ADAMTS6: variants seen among roughly 807,000 people sequenced by gnomAD.
ADAMTS6 encodes the protein ADAM metallopeptidase with thrombospondin type 1 motif 6.
Under a neutral mutation model 144.3 loss-of-function variants are expected in ADAMTS6, and 23 were observed. The observed-to-expected ratio is 0.16, with a 90% CI of 0.11 to 0.23. ADAMTS6 has a LOEUF of 0.23. ADAMTS6 is among the 10% of genes least tolerant of loss of function. ADAMTS6 has a pLI of 1.00. For missense variants in ADAMTS6, 999 were observed against 1,379.6 expected (o/e 0.72, Z 4.37); for synonymous variants, 444 against 457.5 (o/e 0.97, Z 0.38).
At chr5:65,467,243 G>GA (rs2150277533) in intron 3 of ADAMTS6, among the ~76,000 whole-genome samples, 1 of 152,120 alleles carries the variant, frequency 6.6e-6, no homozygotes, top group East Asian at 1.9e-4. Context: ...ATTCCAGAAA[G>GA]AGAGTGCAGG....
At chr5:65,389,431 G>A (rs986946505) in intron 7 of ADAMTS6, among the ~76,000 whole-genome samples, 3 of 151,860 alleles carry the variant, frequency 2.0e-5, no homozygotes, top group Non-Finnish European at 4.4e-5. Context: ...TACTTTTGTC[G>A]TTATTAAAAT....
intron 7 of ADAMTS6, among the ~76,000 whole-genome samples, chr5:65,339,561 T>A: frequency 6.9e-6 from 1 of 145,918 alleles, no homozygotes; most frequent in South Asian, 2.2e-4. Context: ...TTCAAAAAAA[T>A]AATCTTAAGG....
chr5:65,368,686 GA>G (rs1477955713), intron 7 of ADAMTS6, among the ~76,000 whole-genome samples: 2 of 152,292 alleles, frequency 1.3e-5, no homozygotes, highest in East Asian at 3.9e-4. Context: ...AAAGAGTCTG[GA>G]ACATCAATGT....
intron 7 of ADAMTS6, among the ~76,000 whole-genome samples, chr5:65,374,305 G>C (rs1005400750): frequency 6.6e-6 from 1 of 151,652 alleles, no homozygotes; most frequent in Non-Finnish European, 1.5e-5. Flanking sequence ...ATTAGGAAAA[G>C]AGGAAGTCAA....
intron 7 of ADAMTS6, among the ~76,000 whole-genome samples, chr5:65,437,621 C>T (rs1008726643): frequency 6.6e-6 from 1 of 152,120 alleles, no homozygotes; most frequent in Non-Finnish European, 1.5e-5. Context: ...AGATTGGTTC[C>T]AGGACTCCTG....
At chr5:65,173,975 T>C (rs1486663667) in intron 22 of ADAMTS6, among the ~76,000 whole-genome samples, 1 of 150,816 alleles carries the variant, frequency 6.6e-6, no homozygotes, top group African/African-American at 2.4e-5. Flanking sequence ...TGAGCCGAGA[T>C]TGCACCACTG....
intron 24 of ADAMTS6, among the ~76,000 whole-genome samples, chr5:65,155,606 C>T (rs761917531): frequency 2.6e-5 from 4 of 152,046 alleles, no homozygotes; most frequent in East Asian, 1.9e-4. Flanking sequence ...AGTCCATGAC[C>T]GTATATAAAA....
At chr5:65,268,971 G>T (rs1761848562) in intron 12 of ADAMTS6, among the ~76,000 whole-genome samples, 2 of 152,090 alleles carry the variant, frequency 1.3e-5, no homozygotes, top group Admixed American at 1.3e-4. Context: ...TTATTCTGCT[G>T]GCTAGACAGT....
intron 10 of ADAMTS6, among the ~76,000 whole-genome samples, chr5:65,296,890 C>T (rs1346430254): frequency 5.3e-5 from 8 of 152,128 alleles, no homozygotes; most frequent in Admixed American, 5.2e-4. Context: ...CACAGAGCCC[C>T]CATAATTTTT....
chr5:65,415,467 C>G (rs1755428825), intron 7 of ADAMTS6: 1 of 186,734 alleles, frequency 5.4e-6, no homozygotes. Context: ...TGGCCATGGT[C>G]AGGGCCAGGG....
Position 65,148,763 on chromosome 5 carries a change from T to G in ADAMTS6, c.*3073A>C, listed in dbSNP as rs1751980995. On this transcript the variant is annotated 3_prime_UTR_variant, in exon 25 of 25. Coordinates refer to ENST00000381055, the MANE Select transcript of ADAMTS6 (RefSeq NM_197941.4). ...TCATTATTATAAGCTGAATTTTTAT[T>G]TTACTAAATTATCTATGTCAAAAAA... The G allele has an allele frequency of 6.6e-6, 1 of 152,402 alleles. No individual in the cohort carries two copies. Among genetic ancestry groups the G allele is most frequent in the African/African-American group, 2.4e-5 (1 of 41,438 alleles). The allele number at this position is 152,402 out of a possible 1,614,324, so 9.4% of individuals were successfully genotyped here.
intron 7 of ADAMTS6, among the ~76,000 whole-genome samples, chr5:65,370,798 C>T (rs1035674049): frequency 1.3e-5 from 2 of 152,236 alleles, no homozygotes; most frequent in African/African-American, 4.8e-5. Flanking sequence ...CTGCCTGCCT[C>T]TGTAGGCTCC....
intron 3 of ADAMTS6, among the ~76,000 whole-genome samples, chr5:65,470,079 TCCATTCTTTCTTAA>T (rs955513907): frequency 2.6e-4 from 39 of 152,248 alleles, no homozygotes; most frequent in African/African-American, 9.4e-4. Flanking sequence ...TTTTCTTTTT[TCCATTCTTTCTTAA>T]AAATATATTT....
At chr5:65,334,204 C>A (rs376755963) in intron 7 of ADAMTS6, 119 bp from the exon 8 acceptor site, 1 of 1,144,486 alleles carries the variant, frequency 8.7e-7, no homozygotes, top group Non-Finnish European at 1.2e-6. Flanking sequence ...TATGAGCAAT[C>A]AACTGGAGTG....
chr5:65,255,334 C>G (rs1760554672), intron 14 of ADAMTS6, among the ~76,000 whole-genome samples: 1 of 151,900 alleles, frequency 6.6e-6, no homozygotes, highest in African/African-American at 2.4e-5. Flanking sequence ...TGCCTAAGTT[C>G]TTTAGTGATG....
chr5:65,162,620 TAC>T (rs10529076), intron 24 of ADAMTS6, among the ~76,000 whole-genome samples: 19,483 of 145,764 alleles, frequency 0.13, 1,346 homozygotes, highest in Non-Finnish European at 0.16. Context: ...TATAAGATAC[TAC>T]ACACACACAC....
intron 7 of ADAMTS6, among the ~76,000 whole-genome samples, chr5:65,449,486 C>T (rs563455171): frequency 4.0e-5 from 6 of 151,884 alleles, no homozygotes; most frequent in African/African-American, 1.2e-4. Context: ...CATGGTGGCA[C>T]GCACCTGTAA....
intron 14 of ADAMTS6, among the ~76,000 whole-genome samples, chr5:65,244,444 T>C (rs1759460002): frequency 6.6e-6 from 1 of 152,068 alleles, no homozygotes; most frequent in Non-Finnish European, 1.5e-5. Context: ...GGAAGAAAAA[T>C]AAAATGTCCA....
At chr5:65,396,825 T>A (rs994237043) in intron 7 of ADAMTS6, among the ~76,000 whole-genome samples, 5 of 152,230 alleles carry the variant, frequency 3.3e-5, no homozygotes, top group African/African-American at 1.2e-4. Context: ...TCTCTGTCAG[T>A]TCAGGTATGA....
Sources: gnomAD v4.1 joint callset for allele counts (sites outside exome capture counted in the v4.1 genomes callset) on GRCh38, gnomAD v4.1.1 for gene constraint, MANE v1.5 for transcripts, NCBI Gene and HGNC (gene_info 2026-07-23, HGNC 2026-07-21) for gene names.